The following ACOXL variants were observed in gnomAD, a reference collection of about 807,000 sequenced individuals.
The protein encoded by ACOXL is acyl-CoA oxidase like.
In ACOXL, 70 loss-of-function variants were observed where a neutral mutation model predicts 71.9. The observed-to-expected ratio is 0.97, with a 90% confidence interval of 0.80 to 1.19. The LOEUF (loss-of-function observed/expected upper bound fraction) is 1.19. ACOXL is among the 50% of genes most tolerant of loss of function. The probability of loss-of-function intolerance (pLI) is 0.00; values close to 1 mark genes in which losing one functional copy is unlikely to be tolerated. For synonymous variants in ACOXL, 253 were observed against 281.6 expected, an observed-to-expected ratio of 0.90 and a Z score of 1.02; for missense variants, 703 against 736.3, an observed-to-expected ratio of 0.95 and a Z score of 0.52.
intron 17 of ACOXL, chr2:111,098,642 T>C (rs2068945146): frequency 2.0e-5 from 3 of 152,208 alleles, no homozygotes; most frequent in African/African-American, 2.4e-5. Flanking sequence ...AATGCATTAA[T>C]ATTGGTTTCC....
At chr2:111,055,259 A>G (rs2066478235) in intron 16 of ACOXL, among the ~76,000 whole-genome samples, 1 of 152,144 alleles carries the variant, frequency 6.6e-6, no homozygotes, top group Non-Finnish European at 1.5e-5. Flanking sequence ...TAAGCAGGGC[A>G]TTTGCAGGGG....
intron 12 of ACOXL, among the ~76,000 whole-genome samples, chr2:110,958,713 C>T (rs1364463418): frequency 3.3e-5 from 5 of 152,188 alleles, no homozygotes; most frequent in African/African-American, 1.2e-4. Context: ...GAGTGGAGAG[C>T]ATGAAATGCA....
At chr2:110,966,903 C>T (rs1218678467) in intron 12 of ACOXL, among the ~76,000 whole-genome samples, 1 of 152,210 alleles carries the variant, frequency 6.6e-6, no homozygotes, top group Non-Finnish European at 1.5e-5. Context: ...TGGGACCTAG[C>T]AGGAAAGTGA....
At chr2:110,944,285 C>T (rs1045539328) in intron 12 of ACOXL, among the ~76,000 whole-genome samples, 1 of 151,796 alleles carries the variant, frequency 6.6e-6, no homozygotes, top group Admixed American at 6.6e-5. Flanking sequence ...AATTCCTGAC[C>T]ACAAGTCATC....
At chr2:111,018,241 G>A (rs1446601029) in intron 14 of ACOXL, among the ~76,000 whole-genome samples, 4 of 152,088 alleles carry the variant, frequency 2.6e-5, no homozygotes, top group Admixed American at 6.6e-5. Flanking sequence ...AGGGAGCAGC[G>A]GGGAGGGAGG....
chr2:110,805,870 G>T (rs971488913), intron 9 of ACOXL, among the ~76,000 whole-genome samples: 1 of 152,192 alleles, frequency 6.6e-6, no homozygotes, highest in African/African-American at 2.4e-5. Context: ...CTGCCTCCCT[G>T]CCCTGCCTCT....
At chr2:110,856,891 G>C (rs1573858769) in intron 10 of ACOXL, among the ~76,000 whole-genome samples, 2 of 152,152 alleles carry the variant, frequency 1.3e-5, no homozygotes, top group African/African-American at 4.8e-5. Flanking sequence ...GGATTCCAAG[G>C]ACATTGATTT....
At chr2:110,846,641 G>GCGCACACACA (rs148602789) in intron 10 of ACOXL, among the ~76,000 whole-genome samples, 3,770 of 137,984 alleles carry the variant, frequency 0.027, 59 homozygotes, top group Non-Finnish European at 0.027. Flanking sequence ...ATGCATACAC[G>GCGCACACACA]CACACACACA....
At position 110,908,829 on chromosome 2, in the gene ACOXL, A is replaced by G; in HGVS notation, c.829A>G (p.Ile277Val). The G allele has an allele frequency of 6.2e-7, 1 of 1,614,190 alleles. No individual in the cohort carries two copies. The highest frequency in any genetic ancestry group is 8.5e-7 in the Non-Finnish European group (1 of 1,180,012). ...GCCCAAAACCAAGGAAGAGGTGAAG[A>G]TCATTGAGCACCAAACACAGACCCT... ...FGPKTKEEVK[I>V]IEHQTQTLRL... The change falls in exon 11 of 18, where the codon ATC (isoleucine) becomes GTC (valine). Residue 277 changes from isoleucine (I) to valine (V), a missense_variant. By Grantham distance (29) the Ile-to-Val change is conservative. Coordinates refer to ENST00000439055, the MANE Select transcript of ACOXL (RefSeq NM_001142807.4).
At chr2:111,114,908 GT>G (rs1553480106) in intron 17 of ACOXL, among the ~76,000 whole-genome samples, 1 of 151,784 alleles carries the variant, frequency 6.6e-6, no homozygotes, top group Non-Finnish European at 1.5e-5. Flanking sequence ...GTCAAACACA[GT>G]GTCATCCCTT....
At chr2:110,806,211 C>T (rs1397007670) in intron 9 of ACOXL, among the ~76,000 whole-genome samples, 1 of 152,240 alleles carries the variant, frequency 6.6e-6, no homozygotes, top group Non-Finnish European at 1.5e-5. Flanking sequence ...TCACAGATGG[C>T]CTGTCCTGAC....
chr2:110,830,420 A>G (rs1415956837), intron 9 of ACOXL, among the ~76,000 whole-genome samples: 1 of 152,066 alleles, frequency 6.6e-6, no homozygotes, highest in Non-Finnish European at 1.5e-5. Flanking sequence ...TCTTTCCACA[A>G]TAAATCTATT....
chr2:111,064,098 A>T (rs926739524), intron 16 of ACOXL, among the ~76,000 whole-genome samples: 1 of 152,218 alleles, frequency 6.6e-6, no homozygotes, highest in African/African-American at 2.4e-5. Context: ...TTCAGGATCA[A>T]CACTCAGATA....
chr2:111,069,847 C>A (rs1482934820), intron 16 of ACOXL, among the ~76,000 whole-genome samples: 1 of 152,042 alleles, frequency 6.6e-6, no homozygotes. Context: ...AAGGGAATAA[C>A]CTTGCCTCTG....
At chr2:110,797,406 CTT>C (rs2105297385) in intron 5 of ACOXL, among the ~76,000 whole-genome samples, 1 of 152,262 alleles carries the variant, frequency 6.6e-6, no homozygotes, top group East Asian at 1.9e-4. Flanking sequence ...ATATGAACCT[CTT>C]TTGGGAAACT....
At chr2:110,996,896 G>A (rs1355854953) in intron 14 of ACOXL, among the ~76,000 whole-genome samples, 2 of 152,192 alleles carry the variant, frequency 1.3e-5, no homozygotes, top group Non-Finnish European at 1.5e-5. Flanking sequence ...CACCCTCGTG[G>A]AACAAAGCCA....
At chr2:110,759,661 AG>A (rs1226091517) in intron 1 of ACOXL, among the ~76,000 whole-genome samples, 1 of 152,166 alleles carries the variant, frequency 6.6e-6, no homozygotes, top group African/African-American at 2.4e-5. Context: ...TTGTCTGCAA[AG>A]ATCATACTTC....
chr2:111,091,453 C>T lies in ACOXL; in HGVS notation c.1441-1412C>T, dbSNP rs79348921. Among the ~76,000 whole-genome samples the T allele has an allele frequency of 7.9e-3, 1,204 of 152,192 alleles. 15 individuals are homozygous for T. Among genetic ancestry groups the T allele is most frequent in the East Asian group, 0.047 (243 of 5,182 alleles). On this transcript the variant is annotated intron_variant, in intron 16 of 17. Transcript: ENST00000439055. Reference sequence around the variant, plus strand: ...GATCTTATATTTTTGTATACCTGAGCGATGAGGATTAAATTTCTGCACCTA... The same window carrying T: ...GATCTTATATTTTTGTATACCTGAGTGATGAGGATTAAATTTCTGCACCTA...
At position 110,787,979 on chromosome 2, in the gene ACOXL, G is replaced by A. The variant is rs117457772; in HGVS notation, c.159+3164G>A. ...CTTTATGTCTCTTACTACCACAAGAGGGAAAACTCCTTGAAAACTATAACC... is the reference window on the plus strand; with the variant it reads ...CTTTATGTCTCTTACTACCACAAGAAGGAAAACTCCTTGAAAACTATAACC... On this transcript the variant is annotated intron_variant, in intron 3 of 17. Coordinates refer to ENST00000439055, the MANE Select transcript of ACOXL (RefSeq NM_001142807.4). 1.4e-4 allele frequency among the ~76,000 whole-genome samples: 21 copies of A among 152,288 alleles called. 1 individual carries two copies. In the East Asian group the frequency reaches 3.7e-3, roughly 27 times the overall value.
Sources: allele counts gnomAD v4.1 joint callset (sites outside exome capture counted in the v4.1 genomes callset), GRCh38; gene constraint gnomAD v4.1.1; transcripts MANE v1.5; gene names NCBI Gene and HGNC (gene_info 2026-07-23, HGNC 2026-07-21).